The following HECTD4 variants were observed in gnomAD, a reference collection of about 807,000 sequenced individuals.
HECTD4 encodes the protein HECT domain E3 ubiquitin protein ligase 4.
In HECTD4, 114 loss-of-function variants were observed where a neutral mutation model predicts 471.5. The ratio of observed to expected loss-of-function variants is 0.24; its 90% CI spans 0.21 to 0.28. The LOEUF is 0.28. HECTD4 is among the 10% of genes least tolerant of loss of function. The probability of loss-of-function intolerance (pLI) is 1.00; values close to 1 mark genes in which losing one functional copy is unlikely to be tolerated. For missense variants in HECTD4, 3,866 were observed against 5,651.5 expected, an observed-to-expected ratio of 0.68 and a Z score of 10.13; for synonymous variants, 2,012 against 2,256.0, an observed-to-expected ratio of 0.89 and a Z score of 3.07.
At chr12:112,187,293 G>A in intron 60 of HECTD4, among the ~76,000 whole-genome samples, 1 of 152,182 alleles carries the variant, frequency 6.6e-6, no homozygotes, top group Non-Finnish European at 1.5e-5. Context: ...ATAGCCTTAA[G>A]AGAAAGTGGG....
At chr12:112,290,871 A>AC (rs1555255629) in intron 7 of HECTD4, among the ~76,000 whole-genome samples, 36 of 151,612 alleles carry the variant, frequency 2.4e-4, no homozygotes, top group African/African-American at 8.5e-4. Flanking sequence ...AACAAAAAAA[A>AC]AAAACAAATC....
At chr12:112,294,907 T>G (rs986066579) in intron 7 of HECTD4, among the ~76,000 whole-genome samples, 7 of 152,212 alleles carry the variant, frequency 4.6e-5, no homozygotes, top group African/African-American at 1.7e-4. Flanking sequence ...ACCAGTTGCC[T>G]TCCCCGGGGA....
At chr12:112,236,836 T>C in intron 35 of HECTD4, 109 bp downstream of exon 35, 1 of 1,022,038 alleles carries the variant, frequency 9.8e-7, no homozygotes, top group Non-Finnish European at 1.3e-6. Flanking sequence ...TGTGTCAAAA[T>C]GGCCTAGTAA....
intron 60 of HECTD4, among the ~76,000 whole-genome samples, chr12:112,187,229 G>A (rs904603053): frequency 6.6e-6 from 1 of 152,182 alleles, no homozygotes; most frequent in Non-Finnish European, 1.5e-5. Flanking sequence ...TCTGCCCACA[G>A]CCTCCCAAAG....
chr12:112,358,942 G>A (rs961944294), intron 1 of HECTD4, among the ~76,000 whole-genome samples: 10 of 152,088 alleles, frequency 6.6e-5, no homozygotes, highest in Admixed American at 6.6e-5. Flanking sequence ...TTGGGAGGCC[G>A]AGGCAGGTAG....
chr12:112,169,457 C>T, intron 70 of HECTD4, 46 bp downstream of exon 70: 1 of 1,556,340 alleles, frequency 6.4e-7, no homozygotes, highest in Non-Finnish European at 8.7e-7. Flanking sequence ...AGGCTGGACA[C>T]TAAACACAGC....
intron 1 of HECTD4, among the ~76,000 whole-genome samples, chr12:112,328,696 T>C (rs1262541360): frequency 6.6e-6 from 1 of 152,242 alleles, no homozygotes; most frequent in African/African-American, 2.4e-5. Context: ...TCAATTAAAT[T>C]AGACCCTGAA....
intron 60 of HECTD4, 32 bp from the exon 61 acceptor site, chr12:112,185,525 C>A: frequency 6.8e-7 from 1 of 1,472,254 alleles, no homozygotes; most frequent in East Asian, 2.3e-5. Flanking sequence ...ACAGTAATTA[C>A]TATGCAGCAC....
chr12:112,167,680 A>G, intron 71 of HECTD4, 134 bp downstream of exon 71: 1 of 1,034,912 alleles, frequency 9.7e-7, no homozygotes, highest in Non-Finnish European at 1.5e-6. Flanking sequence ...CCAGTGAGGC[A>G]AGGACCTGTC....
chr12:112,215,860 T>C (rs1382689250), intron 48 of HECTD4, among the ~76,000 whole-genome samples: 2 of 152,202 alleles, frequency 1.3e-5, no homozygotes, highest in African/African-American at 2.4e-5. Flanking sequence ...CTTGAACTCC[T>C]GGGCTCAAGT....
chr12:112,341,657 A>C (rs1454745028), intron 1 of HECTD4, among the ~76,000 whole-genome samples: 1 of 152,192 alleles, frequency 6.6e-6, no homozygotes, highest in Non-Finnish European at 1.5e-5. Flanking sequence ...TGTCTCCCTC[A>C]GTCTGCAAAG....
chr12:112,341,518 G>T (rs2036054099), intron 1 of HECTD4, among the ~76,000 whole-genome samples: 1 of 152,084 alleles, frequency 6.6e-6, no homozygotes, highest in African/African-American at 2.4e-5. Context: ...ACTGAATCTT[G>T]CCCTTCCTGT....
intron 29 of HECTD4, among the ~76,000 whole-genome samples, chr12:112,246,483 A>T (rs1039033891): frequency 2.6e-5 from 4 of 152,094 alleles, no homozygotes; most frequent in Admixed American, 6.5e-5. Context: ...AAAATACAAA[A>T]ATTAGACAGG....
chr12:112,329,491 C>G (rs1261984427), intron 1 of HECTD4, among the ~76,000 whole-genome samples: 3 of 151,802 alleles, frequency 2.0e-5, no homozygotes, highest in Non-Finnish European at 2.9e-5. Context: ...CCTCAGCCTC[C>G]CGAGTAGCTG....
intron 44 of HECTD4, among the ~76,000 whole-genome samples, chr12:112,221,177 C>T (rs576123609): frequency 6.6e-6 from 1 of 151,736 alleles, no homozygotes; most frequent in African/African-American, 2.4e-5. Flanking sequence ...ATAAAAATTA[C>T]AATTAAAAAA....
chr12:112,323,526 G>A (rs555057527), intron 1 of HECTD4, among the ~76,000 whole-genome samples: 4 of 152,032 alleles, frequency 2.6e-5, no homozygotes, highest in Non-Finnish European at 5.9e-5. Flanking sequence ...GGAATCTAAT[G>A]GCATTTTGTT....
intron 11 of HECTD4, among the ~76,000 whole-genome samples, chr12:112,272,654 T>C (rs1203035478): frequency 1.3e-5 from 2 of 152,066 alleles, no homozygotes; most frequent in Admixed American, 6.6e-5. Context: ...TCTGTGTAGA[T>C]GTGTGGTCCC....
intron 7 of HECTD4, among the ~76,000 whole-genome samples, chr12:112,285,385 C>T (rs995344857): frequency 3.3e-5 from 5 of 152,112 alleles, no homozygotes; most frequent in Admixed American, 2.6e-4. Flanking sequence ...CTTAGTTAAA[C>T]GTTACCCACT....
rs746492036 is a variant in HECTD4 at position 112,163,055 on chromosome 12, TG to T, written c.13106del (p.Pro4369GlnfsTer21). On this transcript the variant is annotated frameshift_variant, in exon 75 of 76. Transcript: ENST00000682272. LOFTEE classifies it high-confidence loss of function. This position sits in a 1 kb window ranked among gnomAD's most constrained non-coding sequence, Gnocchi z 8.2. ...VPPYPMKIAPPDGTAGSPDSR... is the reference protein window; with the variant it reads ...VPPYPMKIAPXDGTAGSPDSR... ...GGAGGGCGGTACCTGCTGTGCCATC[TG>T]GGGGGGCGATCTTCATGGGGTACGG... 2 of 1,609,310 alleles carry T rather than the reference TG, an allele frequency of 1.2e-6. No individual in the cohort carries two copies.
Sources: gnomAD v4.1 joint callset for allele counts (sites outside exome capture counted in the v4.1 genomes callset) on GRCh38, gnomAD v4.1.1 for gene constraint, Gnocchi (gnomAD v3.1) non-coding constraint, MANE v1.5 for transcripts, NCBI Gene and HGNC (gene_info 2026-07-23, HGNC 2026-07-21) for gene names.